SVIL: variants seen among roughly 807,000 people sequenced by gnomAD.
SVIL encodes the protein archvillin.
SVIL carries 101 observed loss-of-function variants against 240.4 expected under a neutral mutation model. The ratio of observed to expected loss-of-function variants is 0.42; its 90% CI spans 0.36 to 0.50. SVIL has a LOEUF of 0.50. Among genes scored for constraint, SVIL ranks in the 20% least tolerant of loss-of-function variants. The probability of loss-of-function intolerance (pLI) is 0.01; values close to 1 mark genes in which losing one functional copy is unlikely to be tolerated. For synonymous variants in SVIL, 999 were observed against 1,100.0 expected, an observed-to-expected ratio of 0.91 and a Z score of 1.82; for missense variants, 2,512 against 2,818.7, an observed-to-expected ratio of 0.89 and a Z score of 2.46.
intron 1 of SVIL, among the ~76,000 whole-genome samples, chr10:29,617,604 A>G (rs1957476340): frequency 6.6e-6 from 1 of 152,014 alleles, no homozygotes; most frequent in South Asian, 2.1e-4. Context: ...AAGAAAGAAA[A>G]AAAAAGAGAA....
Position 29,735,411 on chromosome 10 carries a change from G to A in SVIL, c.-400+340C>T, listed in dbSNP as rs992020871. Among the ~76,000 whole-genome samples the A allele has an allele frequency of 9.2e-5, 14 of 151,986 alleles. No homozygotes were observed. Among genetic ancestry groups the A allele is most frequent in the Non-Finnish European group, 1.9e-4 (13 of 67,942 alleles). On this transcript the variant is annotated intron_variant, in intron 1 of 35. Coordinates refer to the SVIL transcript ENST00000375400. This position sits in a 1 kb window ranked among gnomAD's most constrained non-coding sequence, Gnocchi z 4.1. ...TAACGGGCAGCCGCGCTAACTTCCC[G>A]AAACTCCGCGGAGAGAAACCCTGCC...
At chr10:29,618,256 C>A (rs900451791) in intron 1 of SVIL, among the ~76,000 whole-genome samples, 1 of 152,148 alleles carries the variant, frequency 6.6e-6, no homozygotes. Flanking sequence ...GACCTCAACT[C>A]GTAATTTTTG....
intron 3 of SVIL, among the ~76,000 whole-genome samples, chr10:29,555,585 T>C (rs1589239331): frequency 6.6e-6 from 1 of 152,268 alleles, no homozygotes; most frequent in East Asian, 1.9e-4. Context: ...CATATATAGG[T>C]TGGCTAAGAA....
chr10:29,465,571 A>T (rs368340289), intron 34 of SVIL, 24 bp downstream of exon 34: 4 of 1,581,624 alleles, frequency 2.5e-6, no homozygotes, highest in Non-Finnish European at 3.4e-6. Flanking sequence ...ACTGCTCAGC[A>T]TAGCTGCCCC....
At chr10:29,670,014 C>T (rs561120765) in intron 2 of SVIL, among the ~76,000 whole-genome samples, 1 of 151,862 alleles carries the variant, frequency 6.6e-6, no homozygotes, top group African/African-American at 2.4e-5. Context: ...ACCTGGGAGG[C>T]TGAGCAGGGA....
rs775986876 is a variant in SVIL, at chr10:29,480,725, A to G, written c.5189T>C (p.Val1730Ala). 2.5e-6 allele frequency: 4 copies of G among 1,613,948 alleles called. No homozygotes were observed. The South Asian group carries it at 3.3e-5, about 13-fold the overall frequency. ...CAGGCCATAGCCACGGCCGACGTTC[A>G]CTCCGTCCAGGATGGTGCCTGCTGT... ...QTTAGTILDGVNVGRGYGLVE... is the reference protein window; with the variant it reads ...QTTAGTILDGANVGRGYGLVE... Residue 1730 changes from valine (V) to alanine (A), a missense_variant, in exon 29 of 38, where the codon GTG becomes GCG. Around this residue, in one of 3 missense-constraint regions of SVIL, gnomAD observed 797 missense variants for 925.3 expected, o/e 0.86. Transcript: ENST00000355867.
chr10:29,493,329 G>A lies in SVIL; in HGVS notation c.3904C>T (p.Pro1302Ser). Reference protein sequence around the residue: ...TGKSVKEVMKPDDDETFAKFY... With the variant: ...TGKSVKEVMKSDDDETFAKFY... ...TTGGCAAAGGTTTCATCATCATCTG[G>A]CTTCATCACCTCCTTCACAGATTTG... The change falls in exon 21 of 38, where the codon CCA (proline) becomes TCA (serine). Residue 1302 changes from proline (P) to serine (S), a missense_variant. Pro to Ser is a moderately conservative substitution (Grantham distance 74). Around this residue, in one of 3 missense-constraint regions of SVIL, gnomAD observed 272 missense variants for 406.8 expected, o/e 0.67. Transcript: ENST00000355867. 1 of 1,614,066 alleles carries A rather than the reference G, an allele frequency of 6.2e-7. No homozygotes were observed. The highest frequency in any genetic ancestry group is 8.5e-7 in the Non-Finnish European group (1 of 1,180,016).
intron 21 of SVIL, among the ~76,000 whole-genome samples, chr10:29,492,996 A>G (rs1948109095): frequency 6.6e-6 from 1 of 152,162 alleles, no homozygotes; most frequent in Non-Finnish European, 1.5e-5. Context: ...GTCTGCCTGC[A>G]TGCACATCTG....
intron 3 of SVIL, among the ~76,000 whole-genome samples, chr10:29,647,971 C>CAAAAAAA (rs3030628): frequency 1.0e-5 from 1 of 96,312 alleles, no homozygotes; most frequent in African/African-American, 4.0e-5. Context: ...TTGTCAATAT[C>CAAAAAAA]AAAAAAAAAA....
At chr10:29,711,605 G>T (rs1475107866) in intron 1 of SVIL, among the ~76,000 whole-genome samples, 4 of 151,902 alleles carry the variant, frequency 2.6e-5, no homozygotes, top group Non-Finnish European at 5.9e-5. Flanking sequence ...TACTAAAAAT[G>T]CAAAAATTAG....
At chr10:29,471,405 G>A (rs1253224739) in intron 30 of SVIL, among the ~76,000 whole-genome samples, 162 bp from the exon 31 acceptor site, 2 of 152,152 alleles carry the variant, frequency 1.3e-5, no homozygotes, top group Non-Finnish European at 2.9e-5. Flanking sequence ...ACGCTGCCGT[G>A]TGCAGCCTCC....
chr10:29,578,740 A>G (rs1432938697), intron 1 of SVIL, among the ~76,000 whole-genome samples: 1 of 152,222 alleles, frequency 6.6e-6, no homozygotes, highest in Admixed American at 6.5e-5. Context: ...CTGGCTCAGA[A>G]CAAGTAAACT....
chr10:29,506,719 G>A (rs1011043081), intron 17 of SVIL, among the ~76,000 whole-genome samples: 1 of 113,070 alleles, frequency 8.8e-6, no homozygotes, highest in African/African-American at 3.0e-5. Context: ...AGGGGATAGA[G>A]ACTCTACGAA....
intron 16 of SVIL, among the ~76,000 whole-genome samples, chr10:29,516,805 C>CA (rs1016964579): frequency 6.6e-6 from 1 of 152,196 alleles, no homozygotes; most frequent in African/African-American, 2.4e-5. Context: ...TTCCATAGCC[C>CA]ACACTGTTCC....
intron 1 of SVIL, among the ~76,000 whole-genome samples, chr10:29,696,965 TG>T (rs1429220335): frequency 7.8e-6 from 1 of 128,758 alleles, no homozygotes; most frequent in Non-Finnish European, 1.6e-5. Context: ...GGGAGGGAGG[TG>T]GGGGGGTCAG....
chr10:29,544,970 T>G (rs1408075445), intron 6 of SVIL: 1 of 533,834 alleles, frequency 1.9e-6, no homozygotes, highest in Non-Finnish European at 3.8e-6. Context: ...GACCCAGATG[T>G]CTGTTCTTTA....
chr10:29,705,803 C>A (rs1962850094), intron 1 of SVIL, among the ~76,000 whole-genome samples: 1 of 152,160 alleles, frequency 6.6e-6, no homozygotes, highest in Admixed American at 6.5e-5. Context: ...CATGTCCCTG[C>A]AAAGGACATG....
At chr10:29,725,043 A>G (rs1251032273) in intron 1 of SVIL, among the ~76,000 whole-genome samples, 1 of 151,108 alleles carries the variant, frequency 6.6e-6, no homozygotes, top group East Asian at 1.9e-4. Flanking sequence ...AAAAAAAAAA[A>G]AAAAAAAAAA....
chr10:29,516,367 G>A (rs1431465105), intron 16 of SVIL, among the ~76,000 whole-genome samples: 1 of 152,166 alleles, frequency 6.6e-6, no homozygotes, highest in African/African-American at 2.4e-5. Context: ...AGCACATGAC[G>A]AATAACTTGA....
Sources: allele counts gnomAD v4.1 joint callset (sites outside exome capture counted in the v4.1 genomes callset), GRCh38; gene constraint gnomAD v4.1.1; regional missense constraint gnomAD v4.1.1; non-coding constraint Gnocchi (gnomAD v3.1); transcripts MANE v1.5; gene names NCBI Gene and HGNC (gene_info 2026-07-23, HGNC 2026-07-21).